Variants in FADS2 observed in about 807,000 individuals in gnomAD.
FADS2 encodes fatty acid desaturase 2, also known as acyl-CoA 6-desaturase.
FADS2 carries 18 observed loss-of-function variants against 61.2 expected under a neutral mutation model. The observed-to-expected ratio is 0.29, with a 90% CI of 0.20 to 0.44. The LOEUF is 0.44. Ranked by LOEUF, FADS2 falls within the 20% of genes least tolerant of loss-of-function variation. FADS2 has a pLI of 1.00. For missense variants in FADS2, 322 were observed against 572.7 expected (o/e 0.56, Z 4.47); for synonymous variants, 203 against 223.9 (o/e 0.91, Z 0.83).
upstream of FADS2, among the ~76,000 whole-genome samples, chr11:61,825,552 A>G (rs1392108539): frequency 6.7e-6 from 1 of 150,196 alleles, no homozygotes; most frequent in Non-Finnish European, 1.5e-5. Flanking sequence ...CATGAGGTGG[A>G]GGTTGCAGTG....
chr11:61,823,174 T>TAGA (rs1414469448), intron 1 of FADS2, among the ~76,000 whole-genome samples: 2 of 152,216 alleles, frequency 1.3e-5, no homozygotes, highest in African/African-American at 4.8e-5. Context: ...AACGAAGCAC[T>TAGA]AGACTCTGGG....
upstream of FADS2, among the ~76,000 whole-genome samples, chr11:61,824,445 AGG>A (rs1565325209): frequency 7.3e-3 from 26 of 3,566 alleles, no homozygotes; most frequent in East Asian, 0.053. Flanking sequence ...GGAGGGAGGG[AGG>A]GAGGGAGGGA....
upstream of FADS2, among the ~76,000 whole-genome samples, chr11:61,825,487 G>A (rs985472425): frequency 3.9e-5 from 6 of 152,036 alleles, no homozygotes; most frequent in South Asian, 2.1e-4. Context: ...GCATGGTGGC[G>A]GGTGCTTGTA....
At chr11:61,827,305 A>ACT (rs1453471268), upstream of FADS2, 1 of 152,310 alleles carries the variant, frequency 6.6e-6, no homozygotes, top group East Asian at 1.9e-4. This position sits in a 1 kb window ranked among gnomAD's most constrained non-coding sequence, Gnocchi z 4.5. Flanking sequence ...CACGATTCCC[A>ACT]AAGAGACTGA....
chr11:61,826,325 C>G (rs1446145143), upstream of FADS2: 7 of 702,448 alleles, frequency 1.0e-5, no homozygotes, highest in East Asian at 8.0e-5. Flanking sequence ...GCTGGGGACC[C>G]CAGGCCCTGG....
chr11:61,852,140 C>T (rs1019428219), intron 5 of FADS2, among the ~76,000 whole-genome samples: 1 of 152,236 alleles, frequency 6.6e-6, no homozygotes, highest in Non-Finnish European at 1.5e-5. Flanking sequence ...GGCTGTCTGT[C>T]CTCTCCCAGG....
At position 61,857,434 on chromosome 11, in the gene FADS2, C is replaced by T. The variant is rs371830232; in HGVS notation, c.806-20C>T. On this transcript the variant is annotated intron_variant, in intron 6 of 11. Coordinates refer to ENST00000278840, the MANE Select transcript of FADS2 (RefSeq NM_004265.4). ...GCAGGGTGGAATGGATGCCTCTAAG[C>T]GCCTGTCTCTCTCCTGCAGTTGGGC... The T allele has an allele frequency of 3.4e-5, 54 of 1,610,324 alleles. No individual in the cohort carries two copies. The highest frequency in any genetic ancestry group is 4.2e-5 in the Non-Finnish European group (50 of 1,177,082).
chr11:61,844,741 C>T lies in FADS2; in HGVS notation c.619-3418C>T, dbSNP rs545776572. ...AAGATCGAGACCATCCTGGCTAACACGGTGAAACCCCATCTCCACTAAAAA... is the reference window on the plus strand; with the variant it reads ...AAGATCGAGACCATCCTGGCTAACATGGTGAAACCCCATCTCCACTAAAAA... On this transcript the variant is annotated intron_variant, in intron 4 of 11. Coordinates refer to ENST00000278840, the MANE Select transcript of FADS2 (RefSeq NM_004265.4). Among the ~76,000 whole-genome samples, 15 of 151,098 alleles carry T rather than the reference C, an allele frequency of 9.9e-5. No individual in the cohort carries two copies. In the South Asian group the frequency reaches 1.3e-3, roughly 13 times the overall value.
At chr11:61,826,464 T>C (rs1185724410), upstream of FADS2, 22 of 665,270 alleles carry the variant, frequency 3.3e-5, 1 homozygote, top group South Asian at 3.3e-4. Context: ...TGCTCCGAGC[T>C]CCACACCCTT....
At chr11:61,849,162 T>C (rs2067285788) in intron 5 of FADS2, among the ~76,000 whole-genome samples, 1 of 152,234 alleles carries the variant, frequency 6.6e-6, no homozygotes, top group African/African-American at 2.4e-5. Context: ...CCCAAAGTGC[T>C]GGTATTACAG....
chr11:61,863,979 G>T (rs2067440177), intron 10 of FADS2, 193 bp downstream of exon 10: 2 of 573,620 alleles, frequency 3.5e-6, no homozygotes, highest in South Asian at 2.3e-5. Context: ...ATCTCCCTGA[G>T]GGTCATCCTG....
chr11:61,851,244 T>C (rs777153531), intron 5 of FADS2, among the ~76,000 whole-genome samples: 4 of 152,166 alleles, frequency 2.6e-5, no homozygotes, highest in Non-Finnish European at 5.9e-5. Context: ...GTTCTCTGTG[T>C]CTCCAACAAA....
At chr11:61,835,397 CTTTTTT>C (rs529744700) in intron 1 of FADS2, among the ~76,000 whole-genome samples, 1 of 139,406 alleles carries the variant, frequency 7.2e-6, no homozygotes, top group Non-Finnish European at 1.6e-5. Flanking sequence ...TCCCCCGACC[CTTTTTT>C]TTTTTTTTTG....
intron 5 of FADS2, among the ~76,000 whole-genome samples, chr11:61,853,237 CTTTCTT>C (rs2067323540): frequency 8.8e-5 from 13 of 147,034 alleles, no homozygotes; most frequent in South Asian, 6.3e-4. Flanking sequence ...TCTTCTCTTT[CTTTCTT>C]TCTCTCTCTC....
intron 1 of FADS2, among the ~76,000 whole-genome samples, chr11:61,822,126 C>T (rs574345657): frequency 1.3e-5 from 2 of 152,290 alleles, no homozygotes; most frequent in African/African-American, 2.4e-5. Context: ...TCTGCCACCA[C>T]GCCTGGCTAA....
At chr11:61,859,376 G>A (rs1276611932) in intron 7 of FADS2, among the ~76,000 whole-genome samples, 2 of 152,144 alleles carry the variant, frequency 1.3e-5, no homozygotes, top group Admixed American at 1.3e-4. Context: ...CTGTTTTATC[G>A]CTTGCTAACT....
upstream of FADS2, chr11:61,828,044 C>CG: frequency 1.7e-6 from 2 of 1,166,718 alleles, no homozygotes; most frequent in Non-Finnish European, 2.1e-6. The surrounding 1 kb of genome is among the most constrained non-coding windows in gnomAD (Gnocchi z 6.4). Context: ...GAACCCGAGG[C>CG]GGGGGGAGCC....
In FADS2 at chr11:61,828,846, A is replaced by G; in HGVS notation, c.207+249A>G. The G allele has an allele frequency of 2.0e-6, 1 of 492,670 alleles. No individual in the cohort carries two copies. Among genetic ancestry groups the G allele is most frequent in the Non-Finnish European group, 3.6e-6 (1 of 276,998 alleles). 30.5% of individuals were successfully genotyped at this position (492,670 alleles called of 1,614,324 possible). A position where few individuals can be genotyped will look rare whatever the true frequency, so the allele number is the denominator to read the frequency against. ...GGTGAAAGTCCCAGCGGTGGAGAAC[A>G]GGGCAAGCATCTACCGCGCGCGCCG... On this transcript the variant is annotated intron_variant, in intron 1 of 11. Coordinates refer to ENST00000278840, the MANE Select transcript of FADS2 (RefSeq NM_004265.4). The surrounding 1 kb of genome is among the most constrained non-coding windows in gnomAD (Gnocchi z 6.4).
intron 5 of FADS2, among the ~76,000 whole-genome samples, chr11:61,853,303 C>CCTTCCTTCCTT (rs1449150023): frequency 2.4e-5 from 3 of 124,122 alleles, no homozygotes; most frequent in African/African-American, 9.3e-5. Flanking sequence ...TTCCTTCCTT[C>CCTTCCTTCCTT]CTTCCTTCCT....
Sources: gnomAD v4.1 joint callset for allele counts (sites outside exome capture counted in the v4.1 genomes callset) on GRCh38, gnomAD v4.1.1 for gene constraint, Gnocchi (gnomAD v3.1) non-coding constraint, MANE v1.5 for transcripts, NCBI Gene and HGNC (gene_info 2026-07-23, HGNC 2026-07-21) for gene names.